TM2D2: variants seen among roughly 807,000 people sequenced by gnomAD.
TM2D2 encodes the protein TM2 domain-containing protein 2.
A neutral mutation model predicts 23.0 loss-of-function variants in TM2D2; 19 were observed. The observed-to-expected ratio is 0.82, with a 90% CI of 0.58 to 1.21. The LOEUF (loss-of-function observed/expected upper bound fraction) is 1.21. Ranked by LOEUF, TM2D2 falls within the 50% of genes most tolerant of loss-of-function variation. The pLI is 0.00. For synonymous variants in TM2D2, 120 were observed against 108.8 expected (o/e 1.10, Z -0.64); for missense variants, 246 against 265.4 (o/e 0.93, Z 0.51).
chr8:38,993,009 C>T (rs1835649323), intron 3 of TM2D2, among the ~76,000 whole-genome samples: 1 of 152,146 alleles, frequency 6.6e-6, no homozygotes, highest in African/African-American at 2.4e-5. Flanking sequence ...GTGGAGCCTA[C>T]ACTTTTTATA....
Position 38,996,228 on chromosome 8 carries a change from A to C in TM2D2, c.212T>G (p.Ile71Ser). Residue 71 changes from isoleucine (I) to serine (S), a missense_variant, in exon 1 of 4, where the codon ATC (isoleucine) becomes AGC (serine). Ile to Ser is a moderately radical substitution (Grantham distance 142, BLOSUM62 -2). Transcript: ENST00000456397. ...GGTAGCTTACAGGTAAGAGCAGAGGATGACCGGAGAGTGGGGGTCGCCATA... is the reference window on the plus strand; with the variant it reads ...GGTAGCTTACAGGTAAGAGCAGAGGCTGACCGGAGAGTGGGGGTCGCCATA... ...WEYGDPHSPV[I>S]LCSYLPDEFI... The C allele has an allele frequency of 6.2e-7, 1 of 1,613,640 alleles. No homozygotes were observed.
chr8:38,992,303 CAAA>C (rs11332696), intron 3 of TM2D2, among the ~76,000 whole-genome samples: 51 of 47,412 alleles, frequency 1.1e-3, no homozygotes, highest in Non-Finnish European at 1.6e-3. Flanking sequence ...CTGTTTCTAC[CAAA>C]AAAAAAAAAA....
At chr8:38,996,653 T>C (rs1000716955), upstream of TM2D2, 812 of 1,429,808 alleles carry the variant, frequency 5.7e-4, 2 homozygotes, top group Non-Finnish European at 5.3e-4. Flanking sequence ...CCTCTGCTTC[T>C]GCTTCTCGAT....
Position 38,991,371 on chromosome 8 carries a change from C to T in TM2D2, c.606G>A (p.Leu202=). Residue 202 remains leucine (L), a synonymous_variant, in exon 4 of 4, where the codon CTG becomes CTA. Transcript: ENST00000456397. ...VDLILLITGG[L]MPSDGSNWCT... ...ACCAGTTGCTGCCATCACTTGGCAT[C>T]AGCCCTCCAGTAATTAGCAAAATAA... is the stretch of plus-strand genomic sequence containing the variant. The T allele has an allele frequency of 6.2e-7, 1 of 1,614,152 alleles. No homozygotes were observed. The highest frequency in any genetic ancestry group is 2.2e-5 in the East Asian group (1 of 44,878).
At chr8:38,993,868 G>T in intron 2 of TM2D2, 2 of 350,564 alleles carry the variant, frequency 5.7e-6, no homozygotes, top group Non-Finnish European at 1.0e-5. Flanking sequence ...ATAAACTCCT[G>T]CTTTCTTCTT....
Position 38,991,499 on chromosome 8 carries a change from G to C in TM2D2, c.478C>G (p.Leu160Val). 1 of 1,614,166 alleles carries C rather than the reference G, an allele frequency of 6.2e-7. No individual in the cohort carries two copies. Among genetic ancestry groups the C allele is most frequent in the Non-Finnish European group, 8.5e-7 (1 of 1,180,014 alleles). Reference protein sequence around the residue: ...FITTLLYSFFLGCFGVDRFCL... With the variant: ...FITTLLYSFFVGCFGVDRFCL... ...AATCGATCCACACCAAAACATCCCA[G>C]GAAGAAGGAGTAGAGTAAAGTGGTT... Residue 160 changes from leucine to valine, a missense_variant, in exon 4 of 4, where the codon CTG becomes GTG. Around this residue, in one of 2 missense-constraint regions of TM2D2, gnomAD observed 212 missense variants for 202.2 expected, o/e 1.05. Transcript: ENST00000456397.
Position 38,993,639 on chromosome 8 carries a change from C to T in TM2D2, c.337G>A (p.Asp113Asn), listed in dbSNP as rs1487258402. 19 of 1,613,498 alleles carry T rather than the reference C, an allele frequency of 1.2e-5. No individual in the cohort carries two copies. The highest frequency in any genetic ancestry group is 6.7e-5 in the Admixed American group (4 of 59,982). ...CACTGGACTGAAGTGTGTTCCACGT[C>T]GCTGTAGGCCTGACCGCCGAACTGT... ...CLKFGGQAYS[D>N]VEHTSVQCHA... is the part of the protein sequence containing the mutation. Residue 113 changes from aspartate to asparagine, a missense_variant, in exon 3 of 4, where the codon GAC (aspartate) becomes AAC (asparagine). This residue lies in a region of TM2D2 where 212 missense variants were observed against 202.2 expected (regional missense o/e 1.05). Coordinates refer to ENST00000456397, the MANE Select transcript of TM2D2 (RefSeq NM_078473.3).
intron 2 of TM2D2, 114 bp downstream of exon 2, chr8:38,995,200 GTCTT>G (rs1196074996): frequency 8.5e-5 from 62 of 731,630 alleles, no homozygotes; most frequent in Middle Eastern, 2.5e-4. Context: ...TCCAGTAACG[GTCTT>G]TCTGAGGAAA....
At chr8:38,992,166 A>G (rs1391857477) in intron 3 of TM2D2, among the ~76,000 whole-genome samples, 2 of 152,102 alleles carry the variant, frequency 1.3e-5, no homozygotes, top group African/African-American at 4.8e-5. Flanking sequence ...ATAATGTACA[A>G]TAATTTAAAA....
chr8:38,996,956 G>T (rs1835827720), upstream of TM2D2: 1 of 1,469,276 alleles, frequency 6.8e-7, no homozygotes, highest in African/African-American at 1.4e-5. Flanking sequence ...CTCGTCGGGC[G>T]CGCGCGCTTC....
upstream of TM2D2, chr8:38,996,668 CTTCT>C (rs1835814531): frequency 7.0e-7 from 1 of 1,428,086 alleles, no homozygotes; most frequent in East Asian, 2.5e-5. Flanking sequence ...CTCGATTCCT[CTTCT>C]GGGTCTCATG....
Position 38,992,303 on chromosome 8 carries a change from C to CCAA in TM2D2, c.432-759_432-758insTTG, listed in dbSNP as rs1835625076. 2.1e-4 allele frequency among the ~76,000 whole-genome samples: 10 copies of CCAA among 47,392 alleles called. No individual in the cohort carries two copies. The South Asian group carries it at 7.7e-3, about 36-fold the overall frequency. The allele number at this position is 47,392 out of a possible 152,430, so 31.1% of individuals were successfully genotyped here. On this transcript the variant is annotated intron_variant, in intron 3 of 3. Transcript: ENST00000456397. ...CAACATAGCGAGACCCTGTTTCTAC[C>CCAA]AAAAAAAAAAAAAAAAAAAAAAAAA...
chr8:38,996,280 C>T lies in TM2D2; in HGVS notation c.160G>A (p.Gly54Ser). The change falls in exon 1 of 4, where the codon GGC (glycine) becomes AGC (serine). Residue 54 changes from glycine to serine, a missense_variant. By Grantham distance (56) the Gly-to-Ser change is moderately conservative. Around this residue, in one of 2 missense-constraint regions of TM2D2, gnomAD observed 212 missense variants for 202.2 expected, o/e 1.05. Coordinates refer to ENST00000456397, the MANE Select transcript of TM2D2 (RefSeq NM_078473.3). ...LTSAGAAQPE[G>S]PGGAASWEYG... ...TCCCAGCTCGCAGCACCCCCGGGGCCCTCCGGCTGGGCGGCGCCAGCGGAT... is the reference window on the plus strand; with the variant it reads ...TCCCAGCTCGCAGCACCCCCGGGGCTCTCCGGCTGGGCGGCGCCAGCGGAT... The T allele has an allele frequency of 6.2e-7, 1 of 1,614,038 alleles. No individual in the cohort carries two copies. Among genetic ancestry groups the T allele is most frequent in the Non-Finnish European group, 8.5e-7 (1 of 1,180,008 alleles).
upstream of TM2D2, chr8:38,996,842 C>T (rs1479026976): frequency 2.8e-6 from 4 of 1,445,480 alleles, no homozygotes; most frequent in Non-Finnish European, 2.7e-6. Flanking sequence ...GCGCCGGGGA[C>T]TGGATTTTTC....
chr8:38,992,981 T>A (rs1405134623), intron 3 of TM2D2, among the ~76,000 whole-genome samples: 3 of 152,236 alleles, frequency 2.0e-5, no homozygotes, highest in Non-Finnish European at 4.4e-5. Context: ...ACCTTAATGA[T>A]AAACTGATTT....
In TM2D2 at chr8:38,991,459, GT is replaced by G; in HGVS notation, c.517del (p.Thr173LeufsTer5). 1 of 1,613,804 alleles carries G rather than the reference GT, an allele frequency of 6.2e-7. No homozygotes were observed. Among genetic ancestry groups the G allele is most frequent in the Non-Finnish European group, 8.5e-7 (1 of 1,179,896 alleles). ...CAACAGCTTCCCTACTGCAGTGCCA[GT>G]GTGTCCCAAACAGAATCGATCCACA... ...FGVDRFCLGH[T>X]GTAVGKLLTL... On this transcript the variant is annotated frameshift_variant, in exon 4 of 4. Coordinates refer to ENST00000456397, the MANE Select transcript of TM2D2 (RefSeq NM_078473.3). LOFTEE classifies it high-confidence loss of function.
At chr8:38,996,525 T>C, upstream of TM2D2, 1 of 1,551,984 alleles carries the variant, frequency 6.4e-7, no homozygotes, top group East Asian at 2.3e-5. Context: ...GTCAGGCCTT[T>C]CCGCGTAGCC....
upstream of TM2D2, chr8:38,996,810 C>A (rs1033766964): frequency 1.1e-5 from 16 of 1,432,924 alleles, no homozygotes; most frequent in African/African-American, 1.1e-4. Flanking sequence ...GTTGCCACCG[C>A]CGGTTTAGAA....
In TM2D2 at chr8:38,996,243, G is replaced by C; in HGVS notation, c.197C>G (p.Pro66Arg). ...AGAGCAGAGGATGACCGGAGAGTGG[G>C]GGTCGCCATATTCCCAGCTCGCAGC... ...GGAASWEYGD[P>R]HSPVILCSYL... Residue 66 changes from proline (P) to arginine (R), a missense_variant, in exon 1 of 4, where the codon CCC (proline) becomes CGC (arginine). Around this residue, in one of 2 missense-constraint regions of TM2D2, gnomAD observed 212 missense variants for 202.2 expected, o/e 1.05. Transcript: ENST00000456397. 1 of 1,613,754 alleles carries C rather than the reference G, an allele frequency of 6.2e-7. No homozygotes were observed. Among genetic ancestry groups the C allele is most frequent in the Non-Finnish European group, 8.5e-7 (1 of 1,179,944 alleles).
Sources: gnomAD v4.1 joint callset for allele counts (sites outside exome capture counted in the v4.1 genomes callset) on GRCh38, gnomAD v4.1.1 for gene constraint, gnomAD v4.1.1 regional missense constraint, MANE v1.5 for transcripts, NCBI Gene and HGNC (gene_info 2026-07-23, HGNC 2026-07-21) for gene names.